The following PIK3R3 variants were observed in gnomAD, a reference collection of about 807,000 sequenced individuals.
The protein encoded by PIK3R3 is phosphatidylinositol 3-kinase regulatory subunit gamma.
A neutral mutation model predicts 62.9 loss-of-function variants in PIK3R3; 64 were observed. The ratio of observed to expected loss-of-function variants is 1.02; its 90% CI spans 0.83 to 1.25. The LOEUF is 1.25. PIK3R3 is among the 50% of genes most tolerant of loss of function. The pLI is 0.00. For synonymous variants in PIK3R3, 165 were observed against 189.0 expected, an observed-to-expected ratio of 0.87 and a Z score of 1.04; for missense variants, 614 against 561.6, an observed-to-expected ratio of 1.09 and a Z score of -0.94.
intron 1 of PIK3R3, among the ~76,000 whole-genome samples, chr1:46,108,895 C>T (rs1386472002): frequency 6.6e-6 from 1 of 152,334 alleles, no homozygotes; most frequent in East Asian, 1.9e-4. Context: ...CGCGGTGGCT[C>T]ACGCCTGTAA....
intron 1 of PIK3R3, among the ~76,000 whole-genome samples, chr1:46,102,322 G>A (rs976011529): frequency 6.6e-6 from 1 of 151,998 alleles, no homozygotes; most frequent in Non-Finnish European, 1.5e-5. Flanking sequence ...TGTATGGTAT[G>A]TGAATTATAT....
At chr1:46,153,713 C>A in the PIK3R3 span, among the ~76,000 whole-genome samples, 1 of 152,234 alleles carries the variant, frequency 6.6e-6, no homozygotes, top group African/African-American at 2.4e-5. Context: ...GTACTCCCCC[C>A]AACTCACTTC....
At chr1:46,118,559 T>A (rs1240429428) in intron 1 of PIK3R3, among the ~76,000 whole-genome samples, 1 of 149,682 alleles carries the variant, frequency 6.7e-6, no homozygotes, top group East Asian at 1.9e-4. Flanking sequence ...CTTGTCTTTT[T>A]TTTTTTTTTT....
chr1:46,048,609 T>G (rs1431926620), intron 7 of PIK3R3, among the ~76,000 whole-genome samples: 1 of 152,184 alleles, frequency 6.6e-6, no homozygotes, highest in African/African-American at 2.4e-5. Context: ...GTTGAATGAA[T>G]GCACGACATT....
the PIK3R3 span, among the ~76,000 whole-genome samples, chr1:46,165,305 C>CTTTTT: frequency 1.5e-3 from 189 of 129,996 alleles, 1 homozygote; most frequent in African/African-American, 5.2e-3. Flanking sequence ...TCTTCTTCTT[C>CTTTTT]TTTTTTTTTT....
intron 1 of PIK3R3, among the ~76,000 whole-genome samples, chr1:46,101,850 A>G (rs956278458): frequency 6.6e-6 from 1 of 152,188 alleles, no homozygotes; most frequent in African/African-American, 2.4e-5. Context: ...ATACAGCTGC[A>G]CAACACTGTA....
intron 7 of PIK3R3, among the ~76,000 whole-genome samples, chr1:46,055,229 C>A (rs1647772781): frequency 6.6e-6 from 1 of 151,986 alleles, no homozygotes; most frequent in African/African-American, 2.4e-5. Context: ...CTGCCTCAGC[C>A]TCCTGAGTAG....
At position 46,052,722 on chromosome 1, in the gene PIK3R3, AT is replaced by A. The variant is rs113571061; in HGVS notation, c.941+3072del. Among the ~76,000 whole-genome samples, 6 of 152,112 alleles carry A rather than the reference AT, an allele frequency of 3.9e-5. No homozygotes were observed. The South Asian group carries it at 1.0e-3, about 26-fold the overall frequency. The stretch of plus-strand genomic sequence containing the variant: ...CCAGTAAATGGAATAATATCCTAGA[AT>A]TTTTTTTCTATATTTAAGCAATGAA... On this transcript the variant is annotated intron_variant, in intron 7 of 9. Transcript: ENST00000262741.
At chr1:46,049,328 G>GA (rs1647196754) in intron 7 of PIK3R3, among the ~76,000 whole-genome samples, 1 of 152,208 alleles carries the variant, frequency 6.6e-6, no homozygotes, top group Non-Finnish European at 1.5e-5. Flanking sequence ...CACACTTTAA[G>GA]AAGAGAGTTT....
At chr1:46,172,928 G>C in the PIK3R3 span, among the ~76,000 whole-genome samples, 8 of 152,126 alleles carry the variant, frequency 5.3e-5, no homozygotes, top group African/African-American at 1.7e-4. Flanking sequence ...GGGAGAAGAC[G>C]GTTGCAGTGA....
chr1:46,073,267 C>T (rs113878112), intron 3 of PIK3R3, among the ~76,000 whole-genome samples: 3 of 152,142 alleles, frequency 2.0e-5, no homozygotes, highest in Non-Finnish European at 2.9e-5. Flanking sequence ...TTCACTTGGC[C>T]TCTGCTACCC....
intron 1 of PIK3R3, among the ~76,000 whole-genome samples, chr1:46,090,694 A>C (rs1007550315): frequency 3.3e-5 from 5 of 152,248 alleles, no homozygotes; most frequent in African/African-American, 1.2e-4. Flanking sequence ...TATTAAAAAT[A>C]AAGTTAAAAA....
intron 3 of PIK3R3, among the ~76,000 whole-genome samples, chr1:46,072,713 G>GC (rs1557580682): frequency 6.6e-6 from 1 of 152,106 alleles, no homozygotes; most frequent in Non-Finnish European, 1.5e-5. Flanking sequence ...GACTGGGGAG[G>GC]CCAAGGTGGG....
intron 7 of PIK3R3, chr1:46,048,214 A>G (rs1291900640): frequency 6.6e-6 from 1 of 152,246 alleles, no homozygotes; most frequent in African/African-American, 2.4e-5. Flanking sequence ...TTCAATTGTC[A>G]GTAAATATTT....
the PIK3R3 span, among the ~76,000 whole-genome samples, chr1:46,159,838 G>C: frequency 6.6e-6 from 1 of 151,948 alleles, no homozygotes; most frequent in Non-Finnish European, 1.5e-5. Context: ...ATAGCCAAAG[G>C]AAACTACCCA....
At chr1:46,065,713 C>T (rs1374600437) in intron 5 of PIK3R3, among the ~76,000 whole-genome samples, 2 of 152,208 alleles carry the variant, frequency 1.3e-5, no homozygotes, top group Non-Finnish European at 1.5e-5. Context: ...CCCTCTTCCA[C>T]AGATAGCAAA....
chr1:46,162,452 C>G, the PIK3R3 span, among the ~76,000 whole-genome samples: 1 of 152,044 alleles, frequency 6.6e-6, no homozygotes, highest in Non-Finnish European at 1.5e-5. Context: ...GCCTGGGTGA[C>G]AGAGTGAGAC....
At chr1:46,050,646 T>C (rs181997161) in intron 7 of PIK3R3, among the ~76,000 whole-genome samples, 5 of 152,294 alleles carry the variant, frequency 3.3e-5, no homozygotes, top group African/African-American at 7.2e-5. Context: ...GAATGTAAAA[T>C]AGTGCAACCA....
At chr1:46,129,073 GA>G (rs763565444) in intron 1 of PIK3R3, among the ~76,000 whole-genome samples, 162 of 135,254 alleles carry the variant, frequency 1.2e-3, no homozygotes, top group East Asian at 1.3e-3. Context: ...TCTGCCTCAG[GA>G]AAAAAAAAAA....
Sources: gnomAD v4.1 joint callset for allele counts (sites outside exome capture counted in the v4.1 genomes callset) on GRCh38, gnomAD v4.1.1 for gene constraint, MANE v1.5 for transcripts, NCBI Gene and HGNC (gene_info 2026-07-23, HGNC 2026-07-21) for gene names.